TENM2: variants seen among roughly 807,000 people sequenced by gnomAD.
TENM2 encodes the protein teneurin transmembrane protein 2, also known as teneurin-2.
A neutral mutation model predicts 245.2 loss-of-function variants in TENM2; 52 were observed. The ratio of observed to expected loss-of-function variants is 0.21; its 90% CI spans 0.17 to 0.27. The LOEUF (loss-of-function observed/expected upper bound fraction) is 0.27. TENM2 is among the 10% of genes least tolerant of loss of function. The pLI is 1.00. For missense variants in TENM2, 3,046 were observed against 3,666.8 expected (o/e 0.83, Z 4.37); for synonymous variants, 1,363 against 1,438.9 (o/e 0.95, Z 1.19).
chr5:167,584,015 T>C (rs1366545095), intron 2 of TENM2, among the ~76,000 whole-genome samples: 1 of 152,224 alleles, frequency 6.6e-6, no homozygotes, highest in Non-Finnish European at 1.5e-5. Flanking sequence ...CACTCTGTGA[T>C]ACTGTAACAA....
intron 2 of TENM2, among the ~76,000 whole-genome samples, chr5:167,630,116 T>C (rs968416305): frequency 2.0e-5 from 3 of 151,656 alleles, no homozygotes; most frequent in Admixed American, 6.5e-5. Flanking sequence ...TTACCTTACG[T>C]CTTAGCAGCC....
chr5:167,800,815 C>G (rs1443437648), intron 2 of TENM2, among the ~76,000 whole-genome samples: 6 of 151,908 alleles, frequency 3.9e-5, no homozygotes, highest in Non-Finnish European at 1.5e-5. Flanking sequence ...TTCAATTATC[C>G]CAGAACCTTT....
the TENM2 span, among the ~76,000 whole-genome samples, chr5:167,263,428 C>T: frequency 6.6e-6 from 1 of 152,156 alleles, no homozygotes. Flanking sequence ...GCTCCTTCCA[C>T]CCCAGTGAAA....
the TENM2 span, among the ~76,000 whole-genome samples, chr5:167,246,062 G>A: frequency 2.0e-5 from 3 of 152,070 alleles, no homozygotes; most frequent in Non-Finnish European, 2.9e-5. Flanking sequence ...CTCCTCTCTT[G>A]GGAGTGAGTA....
chr5:168,103,151 G>A (rs910694185), intron 9 of TENM2, among the ~76,000 whole-genome samples: 11 of 151,850 alleles, frequency 7.2e-5, no homozygotes, highest in Admixed American at 2.6e-4. Context: ...TTGTCCTTGC[G>A]ATAGTTTGCT....
chr5:167,438,774 A>G (rs1339636940), intron 2 of TENM2, among the ~76,000 whole-genome samples: 1 of 151,988 alleles, frequency 6.6e-6, no homozygotes, highest in Non-Finnish European at 1.5e-5. Flanking sequence ...TGAGGAAAAC[A>G]GGTAAGCGAA....
chr5:167,294,857 G>T (rs558593668), intron 1 of TENM2, among the ~76,000 whole-genome samples: 15 of 152,186 alleles, frequency 9.9e-5, no homozygotes, highest in South Asian at 2.1e-4. Flanking sequence ...AAATATCACG[G>T]ATCTTCCTAT....
chr5:167,715,056 C>T (rs1037771367), intron 2 of TENM2, among the ~76,000 whole-genome samples: 13 of 151,996 alleles, frequency 8.6e-5, no homozygotes, highest in African/African-American at 3.1e-4. Flanking sequence ...TAGTGTGAGG[C>T]TCAAAGGATG....
intron 2 of TENM2, among the ~76,000 whole-genome samples, chr5:167,402,736 A>G (rs1050518147): frequency 2.0e-5 from 3 of 152,044 alleles, no homozygotes; most frequent in African/African-American, 7.2e-5. Flanking sequence ...CGTATTTTTA[A>G]TGTCTTTTAT....
At chr5:168,250,390 G>C (rs994595902) in intron 27 of TENM2, among the ~76,000 whole-genome samples, 33 of 152,284 alleles carry the variant, frequency 2.2e-4, no homozygotes, top group Admixed American at 2.1e-3. Context: ...GCTTTGTATA[G>C]AGAAACAATA....
At chr5:167,542,885 G>T (rs1439114987) in intron 2 of TENM2, among the ~76,000 whole-genome samples, 1 of 152,116 alleles carries the variant, frequency 6.6e-6, no homozygotes. Flanking sequence ...CAAAACTTAG[G>T]AGCTTGTGAG....
chr5:168,074,440 C>A (rs1469456379), intron 7 of TENM2, among the ~76,000 whole-genome samples: 1 of 152,156 alleles, frequency 6.6e-6, no homozygotes, highest in African/African-American at 2.4e-5. Context: ...ATCTTTTCAG[C>A]CTCTGAAACC....
At chr5:168,118,180 T>G in intron 9 of TENM2, 112 bp from the exon 12 acceptor site, 1 of 827,770 alleles carries the variant, frequency 1.2e-6, no homozygotes, top group Non-Finnish European at 1.8e-6. Flanking sequence ...GTCCCCAGCC[T>G]AGAACACTGT....
chr5:167,770,843 G>T (rs757822179), intron 2 of TENM2, among the ~76,000 whole-genome samples: 5 of 152,114 alleles, frequency 3.3e-5, no homozygotes, highest in East Asian at 1.9e-4. Flanking sequence ...AGACTCAGAG[G>T]GGGGCTTAAA....
chr5:168,134,548 G>A (rs865793468), intron 12 of TENM2, among the ~76,000 whole-genome samples: 7 of 152,038 alleles, frequency 4.6e-5, no homozygotes, highest in African/African-American at 1.4e-4. Context: ...TTAGCTGGGT[G>A]TGGTGGCGAG....
chr5:167,815,789 T>C (rs1223442271), intron 2 of TENM2, among the ~76,000 whole-genome samples: 2 of 151,656 alleles, frequency 1.3e-5, no homozygotes, highest in Non-Finnish European at 2.9e-5. Flanking sequence ...AGAGGGAAAA[T>C]AAAATAATGG....
intron 3 of TENM2, among the ~76,000 whole-genome samples, chr5:167,926,203 C>T (rs1214535721): frequency 1.3e-5 from 2 of 152,096 alleles, no homozygotes; most frequent in African/African-American, 2.4e-5. Context: ...AAGAAAGACC[C>T]ACGTAAAGAT....
chr5:168,239,226 T>C (rs1765879101), intron 25 of TENM2, among the ~76,000 whole-genome samples: 1 of 152,086 alleles, frequency 6.6e-6, no homozygotes, highest in Non-Finnish European at 1.5e-5. Flanking sequence ...TTAAAGAAAT[T>C]TGATTAGATT....
chr5:167,710,217 A>G (rs1758815913), intron 2 of TENM2, among the ~76,000 whole-genome samples: 1 of 152,220 alleles, frequency 6.6e-6, no homozygotes, highest in Non-Finnish European at 1.5e-5. Flanking sequence ...GTGTGTATAC[A>G]TATGTACACA....
Sources: gnomAD v4.1 joint callset for allele counts (sites outside exome capture counted in the v4.1 genomes callset) on GRCh38, gnomAD v4.1.1 for gene constraint, MANE v1.5 for transcripts, NCBI Gene and HGNC (gene_info 2026-07-23, HGNC 2026-07-21) for gene names.